LUZP2: variants seen among roughly 807,000 people sequenced by gnomAD.
LUZP2 encodes leucine zipper protein 2.
A neutral mutation model predicts 51.6 loss-of-function variants in LUZP2; 52 were observed. The ratio of observed to expected loss-of-function variants is 1.01; its 90% CI spans 0.81 to 1.27. The LOEUF (loss-of-function observed/expected upper bound fraction) is 1.27. Among genes scored for constraint, LUZP2 ranks in the 50% most tolerant of loss-of-function variants. The pLI is 0.00. For missense variants in LUZP2, 436 were observed against 395.4 expected (o/e 1.10, Z -0.87); for synonymous variants, 154 against 137.3 (o/e 1.12, Z -0.85).
intron 7 of LUZP2, among the ~76,000 whole-genome samples, chr11:24,931,703 T>C: frequency 6.6e-6 from 1 of 152,244 alleles, no homozygotes; most frequent in Non-Finnish European, 1.5e-5. Flanking sequence ...TTGAGTAGCT[T>C]AACAATTGAC....
At chr11:24,931,511 T>G (rs540959354) in intron 7 of LUZP2, among the ~76,000 whole-genome samples, 2 of 152,294 alleles carry the variant, frequency 1.3e-5, no homozygotes, top group African/African-American at 4.8e-5. Context: ...AGGACCCATG[T>G]TCCTGAGACT....
At position 24,911,575 on chromosome 11, in the gene LUZP2, G is replaced by A. The variant is rs529301192; in HGVS notation, c.460-2901G>A. Among the ~76,000 whole-genome samples, 17 of 152,164 alleles carry A rather than the reference G, an allele frequency of 1.1e-4. No homozygotes were observed. The South Asian group carries it at 3.3e-3, about 30-fold the overall frequency. ...TCTCTCTTCTGCCACCCTGTGAAGA[G>A]GTGCCTTCCACCATGATTATAAGTG... On this transcript the variant is annotated intron_variant, in intron 6 of 11. Coordinates refer to ENST00000336930, the MANE Select transcript of LUZP2 (RefSeq NM_001009909.4).
chr11:24,769,076 C>T (rs1474919797), intron 5 of LUZP2, among the ~76,000 whole-genome samples: 1 of 152,148 alleles, frequency 6.6e-6, no homozygotes, highest in Admixed American at 6.5e-5. Context: ...GAAATCCTGT[C>T]ATTTGTGCAA....
chr11:24,636,793 A>C (rs1855121113), intron 1 of LUZP2, among the ~76,000 whole-genome samples: 1 of 152,172 alleles, frequency 6.6e-6, no homozygotes, highest in Non-Finnish European at 1.5e-5. Context: ...AACCAGAGAC[A>C]TAAGAAAATA....
chr11:25,061,323 A>G (rs1446170), intron 10 of LUZP2, among the ~76,000 whole-genome samples: 138,264 of 152,050 alleles, frequency 0.91, 63,611 homozygotes, highest in Non-Finnish European at 0.98. Context: ...GTGATCATAT[A>G]ATAATATTGT....
rs1266137371 is a variant in LUZP2 at position 25,081,859 on chromosome 11, G to A, written c.*3201G>A. On this transcript the variant is annotated 3_prime_UTR_variant, in exon 12 of 12. Transcript: ENST00000336930. ...AAGAAAAAAGATATTTTCCAATGGA[G>A]TAACTTGTTTTAATAGAGGTACAAC... The A allele has an allele frequency of 6.6e-6, 1 of 152,124 alleles. No homozygotes were observed. The highest frequency in any genetic ancestry group is 2.1e-4 in the South Asian group (1 of 4,832). The allele number at this position is 152,124 out of a possible 1,614,324, so 9.4% of individuals were successfully genotyped here.
chr11:24,544,921 C>G (rs565327040), intron 1 of LUZP2, among the ~76,000 whole-genome samples: 97 of 152,130 alleles, frequency 6.4e-4, no homozygotes, highest in African/African-American at 2.3e-3. Context: ...ATACGCATCC[C>G]TTTTTCTCTG....
At chr11:24,809,535 G>A (rs1449352775) in intron 5 of LUZP2, among the ~76,000 whole-genome samples, 3 of 152,018 alleles carry the variant, frequency 2.0e-5, no homozygotes, top group Admixed American at 1.3e-4. Flanking sequence ...CATACTTTAA[G>A]TTTATGGAGA....
At chr11:24,657,643 GT>G (rs2133975160) in intron 1 of LUZP2, among the ~76,000 whole-genome samples, 2 of 152,250 alleles carry the variant, frequency 1.3e-5, no homozygotes, top group South Asian at 4.1e-4. Context: ...AATTGTCCCT[GT>G]TTGGAGATGA....
chr11:24,827,424 T>G (rs1343969420), intron 5 of LUZP2, among the ~76,000 whole-genome samples: 1 of 152,314 alleles, frequency 6.6e-6, no homozygotes, highest in South Asian at 2.1e-4. Flanking sequence ...CCAACATTTA[T>G]GGAACACTGA....
intron 1 of LUZP2, among the ~76,000 whole-genome samples, chr11:24,532,752 C>T (rs552916105): frequency 4.6e-5 from 7 of 150,880 alleles, no homozygotes; most frequent in Non-Finnish European, 8.9e-5. Flanking sequence ...AATAGAGGAC[C>T]TGACTCTGTT....
intron 9 of LUZP2, among the ~76,000 whole-genome samples, chr11:25,042,698 C>G (rs188391562): frequency 2.0e-5 from 3 of 152,142 alleles, no homozygotes; most frequent in African/African-American, 7.2e-5. Flanking sequence ...CATTCTATGC[C>G]TCTCACAGCT....
chr11:24,878,107 T>C (rs1590677085), intron 5 of LUZP2, among the ~76,000 whole-genome samples: 9 of 150,730 alleles, frequency 6.0e-5, no homozygotes, highest in South Asian at 4.2e-4. Flanking sequence ...TGTGTTTTTT[T>C]TTTTTTTTTT....
chr11:24,884,670 A>C (rs2134304878), intron 5 of LUZP2, among the ~76,000 whole-genome samples: 1 of 152,134 alleles, frequency 6.6e-6, no homozygotes, highest in African/African-American at 2.4e-5. Context: ...AAGAACTAGA[A>C]CTACTAGAAC....
intron 5 of LUZP2, among the ~76,000 whole-genome samples, chr11:24,838,657 A>G (rs1047185753): frequency 3.3e-5 from 5 of 151,660 alleles, no homozygotes; most frequent in Non-Finnish European, 7.4e-5. Flanking sequence ...ATGTTTTTGA[A>G]AAAGATTTTC....
rs79092381 is a variant in LUZP2 at position 24,518,005 on chromosome 11, A to G, written c.62+20700A>G. 4.3e-3 allele frequency among the ~76,000 whole-genome samples: 649 copies of G among 152,248 alleles called. 7 individuals carry two copies. The highest frequency in any genetic ancestry group is 0.015 in the African/African-American group (609 of 41,560). On this transcript the variant is annotated intron_variant, in intron 1 of 11. Coordinates refer to ENST00000336930, the MANE Select transcript of LUZP2 (RefSeq NM_001009909.4). ...AAATATTGGATGCTTATCTAACACT[A>G]TCCATTAAGTTTCTATTCATGTGGA...
chr11:24,591,679 T>A (rs1176075364), intron 1 of LUZP2, among the ~76,000 whole-genome samples: 1 of 152,092 alleles, frequency 6.6e-6, no homozygotes, highest in Admixed American at 6.6e-5. Flanking sequence ...CTTGAGCAAG[T>A]CATGTAACCT....
chr11:24,667,338 C>G (rs147172570), intron 1 of LUZP2, among the ~76,000 whole-genome samples: 1 of 152,018 alleles, frequency 6.6e-6, no homozygotes. Context: ...CATGTGCCAC[C>G]ATGCTTGGCT....
At position 24,497,302 on chromosome 11, in the gene LUZP2, C is replaced by A; in HGVS notation, c.59C>A (p.Thr20Asn). ...LPLLPALVLS[T>N]RQDYEELEKQ... ...CTCCTGCCTGCGCTGGTCCTCAGCA[C>A]CAGGTGAGTCCAGGAGCGTGAGTGA... is the stretch of plus-strand genomic sequence containing the variant. Residue 20 changes from threonine (T) to asparagine (N), a missense_variant, in exon 1 of 12, where the codon ACC becomes AAC. Physicochemically the swap from Thr to Asn is moderately conservative, Grantham distance 65. Coordinates refer to ENST00000336930, the MANE Select transcript of LUZP2 (RefSeq NM_001009909.4). 1 of 1,558,778 alleles carries A rather than the reference C, an allele frequency of 6.4e-7. No homozygotes were observed. Among genetic ancestry groups the A allele is most frequent in the Middle Eastern group, 1.8e-4 (1 of 5,578 alleles).
Sources: gnomAD v4.1 joint callset for allele counts (sites outside exome capture counted in the v4.1 genomes callset) on GRCh38, gnomAD v4.1.1 for gene constraint, MANE v1.5 for transcripts, NCBI Gene and HGNC (gene_info 2026-07-23, HGNC 2026-07-21) for gene names.